The following GAP43 variants were observed in gnomAD, a reference collection of about 807,000 sequenced individuals.
GAP43 encodes the protein neuromodulin.
Under a neutral mutation model 18.6 loss-of-function variants are expected in GAP43, and 6 were observed. The ratio of observed to expected loss-of-function variants is 0.32; its 90% confidence interval spans 0.18 to 0.64. The LOEUF (loss-of-function observed/expected upper bound fraction) is 0.64, where lower values mean the gene tolerates loss of function less well. Among genes scored for constraint, GAP43 ranks in the 30% least tolerant of loss-of-function variants. The pLI is 0.78. For missense variants in GAP43, 292 were observed against 295.5 expected (o/e 0.99, Z 0.09); for synonymous variants, 115 against 111.4 (o/e 1.03, Z -0.20).
chr3:115,713,451 A>T (rs866354850), intron 2 of GAP43, among the ~76,000 whole-genome samples: 3 of 152,218 alleles, frequency 2.0e-5, no homozygotes, highest in Non-Finnish European at 4.4e-5. Flanking sequence ...CTGGAGCCAG[A>T]AAACAGGGCC....
intron 2 of GAP43, among the ~76,000 whole-genome samples, chr3:115,719,552 A>C (rs1709551820): frequency 1.3e-5 from 2 of 152,208 alleles, no homozygotes; most frequent in Admixed American, 1.3e-4. Flanking sequence ...AAACTTCCCT[A>C]ATAGATGACA....
intron 2 of GAP43, among the ~76,000 whole-genome samples, chr3:115,718,157 T>G (rs1709534805): frequency 6.6e-6 from 1 of 152,222 alleles, no homozygotes; most frequent in South Asian, 2.1e-4. Flanking sequence ...AGATTTGAAG[T>G]CTTCTCTTGT....
chr3:115,658,022 G>C (rs9883171), intron 1 of GAP43, among the ~76,000 whole-genome samples: 102,809 of 151,940 alleles, frequency 0.68, 35,001 homozygotes, highest in Admixed American at 0.74. Flanking sequence ...CTTCTTCGGG[G>C]TATTACATAC....
chr3:115,652,509 C>T (rs1054567217), intron 1 of GAP43, among the ~76,000 whole-genome samples: 9 of 151,678 alleles, frequency 5.9e-5, no homozygotes, highest in African/African-American at 9.7e-5. Context: ...TTCAGCTTCC[C>T]GAGTGACTGA....
chr3:115,640,507 G>A (rs897729956), intron 1 of GAP43, among the ~76,000 whole-genome samples: 5 of 152,008 alleles, frequency 3.3e-5, no homozygotes, highest in Non-Finnish European at 5.9e-5. Context: ...CTATTAGGCT[G>A]TTTTCTCAAC....
intron 1 of GAP43, among the ~76,000 whole-genome samples, chr3:115,651,341 A>C (rs1708516962): frequency 6.6e-6 from 1 of 152,180 alleles, no homozygotes. Flanking sequence ...CACTCTGCAC[A>C]TACGGAAGAC....
At chr3:115,628,954 C>G (rs895217986) in intron 1 of GAP43, among the ~76,000 whole-genome samples, 1 of 152,154 alleles carries the variant, frequency 6.6e-6, no homozygotes, top group Non-Finnish European at 1.5e-5. Flanking sequence ...AGGTACAAAA[C>G]CCAACTCAGT....
intron 1 of GAP43, among the ~76,000 whole-genome samples, chr3:115,670,618 A>G (rs1162757234): frequency 1.3e-5 from 2 of 152,160 alleles, no homozygotes; most frequent in Non-Finnish European, 2.9e-5. Flanking sequence ...CCTAAAGTCA[A>G]TTGCCATGGT....
intron 1 of GAP43, among the ~76,000 whole-genome samples, chr3:115,667,117 C>G (rs34700911): frequency 0.26 from 40,131 of 151,942 alleles, 5,984 homozygotes; most frequent in Non-Finnish European, 0.33. Flanking sequence ...CATGCAACAA[C>G]TAAAAATAAC....
chr3:115,664,748 T>A (rs1708711152), intron 1 of GAP43, among the ~76,000 whole-genome samples: 1 of 152,098 alleles, frequency 6.6e-6, no homozygotes, highest in Non-Finnish European at 1.5e-5. Context: ...GATCCAAAAT[T>A]AACAGTTAAA....
intron 2 of GAP43, among the ~76,000 whole-genome samples, chr3:115,705,330 A>C (rs2107371107): frequency 6.6e-6 from 1 of 152,324 alleles, no homozygotes; most frequent in African/African-American, 2.4e-5. Context: ...CAGATAATTA[A>C]ATCATTTAAT....
chr3:115,675,226 T>C (rs1035073840), intron 1 of GAP43, among the ~76,000 whole-genome samples: 1 of 152,118 alleles, frequency 6.6e-6, no homozygotes, highest in African/African-American at 2.4e-5. Flanking sequence ...TGCATGCCAC[T>C]ACACCCATCT....
In GAP43 at chr3:115,670,510, C is replaced by T. The variant is rs141075880; in HGVS notation, c.31-5503C>T. Among the ~76,000 whole-genome samples the T allele has an allele frequency of 1.7e-4, 26 of 152,280 alleles. No homozygotes were observed. In the East Asian group the frequency reaches 3.1e-3, roughly 18 times the overall value. ...AGGCTGGCCCACTGTCTTCTCTCTC[C>T]TCCCTAAGGGGTATTTTACTGTATT... On this transcript the variant is annotated intron_variant, in intron 1 of 2. Coordinates refer to ENST00000305124, the MANE Select transcript of GAP43 (RefSeq NM_002045.4).
chr3:115,699,552 T>C (rs955984889), intron 2 of GAP43, among the ~76,000 whole-genome samples: 1 of 152,160 alleles, frequency 6.6e-6, no homozygotes, highest in Non-Finnish European at 1.5e-5. Flanking sequence ...CCTCCTCCTC[T>C]TTCCTCCCAT....
rs78894349 is a variant in GAP43, at chr3:115,650,907, T to C, written c.31-25106T>C. On this transcript the variant is annotated intron_variant, in intron 1 of 2. Transcript: ENST00000305124. Reference sequence around the variant, plus strand: ...ACTTTGGAAGGCCAAGGTGGGAGGATTTTTTTGAGCCCAGGAGTTCCATAC... The same window carrying C: ...ACTTTGGAAGGCCAAGGTGGGAGGACTTTTTTGAGCCCAGGAGTTCCATAC... Among the ~76,000 whole-genome samples the C allele has an allele frequency of 3.9e-3, 589 of 152,018 alleles. 2 individuals carry two copies. The highest frequency in any genetic ancestry group is 0.014 in the African/African-American group (566 of 41,450).
At chr3:115,678,872 GTTTC>G (rs976502026) in intron 2 of GAP43, among the ~76,000 whole-genome samples, 108 of 150,560 alleles carry the variant, frequency 7.2e-4, no homozygotes, top group African/African-American at 2.5e-3. Flanking sequence ...GCTGCCTGTC[GTTTC>G]TTTCTGGGTT....
At chr3:115,714,523 A>C (rs768254758) in intron 2 of GAP43, among the ~76,000 whole-genome samples, 1 of 152,264 alleles carries the variant, frequency 6.6e-6, no homozygotes, top group East Asian at 1.9e-4. Context: ...AAATAATTTA[A>C]TCAAGTTTTT....
At chr3:115,647,940 A>G (rs1708477509) in intron 1 of GAP43, among the ~76,000 whole-genome samples, 1 of 152,062 alleles carries the variant, frequency 6.6e-6, no homozygotes, top group Admixed American at 6.6e-5. Flanking sequence ...GAGAAAATAA[A>G]ACCATGGACT....
intron 2 of GAP43, among the ~76,000 whole-genome samples, chr3:115,687,575 G>T (rs568953767): frequency 1.9e-3 from 282 of 152,256 alleles, no homozygotes; most frequent in Middle Eastern, 6.8e-3. Context: ...ACTTTGAGTT[G>T]TGTTGCTGGA....
Sources: allele counts gnomAD v4.1 joint callset (sites outside exome capture counted in the v4.1 genomes callset), GRCh38; gene constraint gnomAD v4.1.1; transcripts MANE v1.5; gene names NCBI Gene and HGNC (gene_info 2026-07-23, HGNC 2026-07-21).